Variants in DENND4C observed in about 807,000 individuals in gnomAD.
DENND4C encodes DENN domain containing 4C.
Under a neutral mutation model 203.0 loss-of-function variants are expected in DENND4C, and 108 were observed. The ratio of observed to expected loss-of-function variants is 0.53; its 90% CI spans 0.46 to 0.62. The LOEUF is 0.62. DENND4C is among the 20% of genes least tolerant of loss of function. DENND4C has a pLI of 0.00. For missense variants in DENND4C, 2,481 were observed against 2,301.2 expected (o/e 1.08, Z -1.60); for synonymous variants, 871 against 792.4 (o/e 1.10, Z -1.67).
chr9:19,295,910 G>T, intron 5 of DENND4C, 98 bp from the exon 6 acceptor site: 3 of 902,154 alleles, frequency 3.3e-6, no homozygotes, highest in Non-Finnish European at 5.2e-6. Flanking sequence ...CTGTATAAGT[G>T]TACTCCAAGC....
At chr9:19,244,779 A>G (rs545310755) in intron 1 of DENND4C, among the ~76,000 whole-genome samples, 22 of 151,796 alleles carry the variant, frequency 1.4e-4, no homozygotes, top group African/African-American at 5.3e-4. Flanking sequence ...GGTTTATAAT[A>G]TACACCTTTA....
chr9:19,297,680 A>G (rs1261524147), intron 6 of DENND4C, among the ~76,000 whole-genome samples: 1 of 152,168 alleles, frequency 6.6e-6, no homozygotes, highest in Admixed American at 6.5e-5. Context: ...GTGTTAGAGG[A>G]GTAAATCTGG....
intron 1 of DENND4C, among the ~76,000 whole-genome samples, chr9:19,271,001 A>C (rs1183297142): frequency 6.6e-6 from 1 of 152,236 alleles, no homozygotes. Context: ...TTAAGTACTT[A>C]GGAATAAATC....
At chr9:19,253,214 A>G (rs546849607) in intron 1 of DENND4C, among the ~76,000 whole-genome samples, 5 of 152,360 alleles carry the variant, frequency 3.3e-5, no homozygotes, top group African/African-American at 1.2e-4. Flanking sequence ...TTCTTTAAAA[A>G]GGTAGAAAGG....
Position 19,296,075 on chromosome 9 carries a change from T to G in DENND4C, c.869T>G (p.Met290Arg), listed in dbSNP as rs1400562574. Residue 290 changes from methionine to arginine, a missense_variant, in exon 6 of 33, where the codon ATG (methionine) becomes AGG (arginine). Transcript: ENST00000434457. ...SRELLSEKQL[M>R]HLGLLTPVER... ...GAACTTCTATCAGAGAAACAGCTTA[T>G]GCACCTGGGCTTGTTGACGCCTGTG... 1 of 1,614,190 alleles carries G rather than the reference T, an allele frequency of 6.2e-7. No homozygotes were observed. The highest frequency in any genetic ancestry group is 1.1e-5 in the South Asian group (1 of 91,086).
chr9:19,318,613 G>T (rs1395838951), intron 12 of DENND4C, among the ~76,000 whole-genome samples: 1 of 152,192 alleles, frequency 6.6e-6, no homozygotes, highest in East Asian at 1.9e-4. Context: ...TTTTCTCGTG[G>T]TTTTGGAGGT....
chr9:19,307,670 T>A (rs1242358482), intron 10 of DENND4C, among the ~76,000 whole-genome samples: 1 of 149,668 alleles, frequency 6.7e-6, no homozygotes, highest in Non-Finnish European at 1.5e-5. Flanking sequence ...CTCGGGAGTC[T>A]GAGGCAAGAG....
intron 17 of DENND4C, among the ~76,000 whole-genome samples, chr9:19,333,693 C>T (rs551658713): frequency 1.3e-5 from 2 of 152,192 alleles, no homozygotes; most frequent in Non-Finnish European, 2.9e-5. Flanking sequence ...CATTTTCTCT[C>T]TCAAGCCTTA....
chr9:19,357,129 G>A lies in DENND4C; in HGVS notation c.4939G>A (p.Glu1647Lys), dbSNP rs187787838. Residue 1647 changes from glutamate (E) to lysine (K), a missense_variant, in exon 27 of 33, where the codon GAA (glutamate) becomes AAA (lysine). This residue lies in a region of DENND4C where 2,289 missense variants were observed against 2,113.3 expected (regional missense o/e 1.08). Coordinates refer to ENST00000434457, the MANE Select transcript of DENND4C (RefSeq NM_001330640.2). ...AAAACATAACCAGATCATAACTGAAGAAACAGGCTCTGCAGTTGAACCAAG... is the reference window on the plus strand; with the variant it reads ...AAAACATAACCAGATCATAACTGAAAAAACAGGCTCTGCAGTTGAACCAAG... ...FPKHNQIITEETGSAVEPSDE... is the reference protein window; with the variant it reads ...FPKHNQIITEKTGSAVEPSDE... 6 of 1,613,862 alleles carry A rather than the reference G, an allele frequency of 3.7e-6. No individual in the cohort carries two copies. The Admixed American group carries it at 8.3e-5, about 22-fold the overall frequency.
At chr9:19,322,892 T>C (rs1843124787) in intron 12 of DENND4C, among the ~76,000 whole-genome samples, 1 of 151,992 alleles carries the variant, frequency 6.6e-6, no homozygotes, top group Non-Finnish European at 1.5e-5. Flanking sequence ...CTGGGAGTGA[T>C]GTGAAAAAGA....
chr9:19,319,341 TA>T (rs1842415865), intron 12 of DENND4C, among the ~76,000 whole-genome samples: 9 of 39,592 alleles, frequency 2.3e-4, no homozygotes, highest in South Asian at 5.8e-4. Context: ...TATATACACA[TA>T]TATATATACT....
At chr9:19,342,374 G>T (rs576491679) in intron 21 of DENND4C, among the ~76,000 whole-genome samples, 27 of 152,196 alleles carry the variant, frequency 1.8e-4, no homozygotes, top group Admixed American at 1.3e-3. Flanking sequence ...AGAACTGAAG[G>T]CCAGAGACTT....
At chr9:19,292,375 A>C (rs1015374167) in intron 5 of DENND4C, 2 of 152,042 alleles carry the variant, frequency 1.3e-5, no homozygotes, top group Admixed American at 6.6e-5. Flanking sequence ...GGAACACCGG[A>C]GACAAAACAA....
chr9:19,311,418 G>A (rs922516151), intron 10 of DENND4C, among the ~76,000 whole-genome samples: 5 of 152,258 alleles, frequency 3.3e-5, no homozygotes, highest in African/African-American at 1.2e-4. Context: ...GAGCCACTGC[G>A]CCTGGCCCCC....
At chr9:19,345,781 A>T (rs1453843429) in intron 22 of DENND4C, 140 bp from the exon 23 acceptor site, 3 of 787,154 alleles carry the variant, frequency 3.8e-6, no homozygotes, top group Non-Finnish European at 1.9e-6. Flanking sequence ...TTTTTTTTAT[A>T]CTTTCTTTAT....
chr9:19,371,427 TATGTA>T (rs1360990714), intron 31 of DENND4C: 5 of 170,466 alleles, frequency 2.9e-5, no homozygotes, highest in African/African-American at 1.2e-4. Context: ...TTAAAACAGT[TATGTA>T]TTGTTGAAAT....
chr9:19,291,655 A>G (rs1836325863), intron 5 of DENND4C, among the ~76,000 whole-genome samples: 1 of 150,538 alleles, frequency 6.6e-6, no homozygotes, highest in Admixed American at 6.7e-5. Context: ...CAATGAGCTG[A>G]GACTGCACCA....
intron 2 of DENND4C, 57 bp from the exon 3 acceptor site, chr9:19,286,712 A>G (rs569649887): frequency 9.1e-6 from 11 of 1,205,812 alleles, no homozygotes; most frequent in South Asian, 4.2e-5. Flanking sequence ...ATATATGTAC[A>G]TATGTATGTG....
At chr9:19,310,924 G>C (rs1231562395) in intron 10 of DENND4C, among the ~76,000 whole-genome samples, 1 of 152,052 alleles carries the variant, frequency 6.6e-6, no homozygotes, top group East Asian at 1.9e-4. Context: ...TCATTATAGT[G>C]GATTAAATTT....
Sources: allele counts gnomAD v4.1 joint callset (sites outside exome capture counted in the v4.1 genomes callset), GRCh38; gene constraint gnomAD v4.1.1; regional missense constraint gnomAD v4.1.1; transcripts MANE v1.5; gene names NCBI Gene and HGNC (gene_info 2026-07-23, HGNC 2026-07-21).